Variants in CCDC178 observed in about 807,000 individuals in gnomAD.
The protein encoded by CCDC178 is coiled-coil domain containing 178, also known as coiled-coil domain-containing protein 178.
In CCDC178, 126 loss-of-function variants were observed where a neutral mutation model predicts 117.4. The ratio of observed to expected loss-of-function variants is 1.07; its 90% CI spans 0.93 to 1.24. CCDC178 has a LOEUF of 1.24. Among genes scored for constraint, CCDC178 ranks in the 50% most tolerant of loss-of-function variants. The pLI, the probability that CCDC178 is intolerant of heterozygous loss-of-function variation, is 0.00. For synonymous variants in CCDC178, 283 were observed against 313.4 expected (o/e 0.90, Z 1.02); for missense variants, 1,030 against 986.9 (o/e 1.04, Z -0.59).
chr18:33,101,648 G>A (rs576001455), intron 20 of CCDC178, among the ~76,000 whole-genome samples: 1 of 151,924 alleles, frequency 6.6e-6, no homozygotes, highest in South Asian at 2.1e-4. Context: ...ACTTTAAAAG[G>A]TCATCAGCAA....
intron 12 of CCDC178, among the ~76,000 whole-genome samples, chr18:33,288,126 C>T (rs928467462): frequency 6.6e-6 from 1 of 152,086 alleles, no homozygotes; most frequent in Admixed American, 6.5e-5. Flanking sequence ...AATGGCTACT[C>T]TCTACACTCC....
chr18:33,440,212 A>G (rs2064358974), intron 1 of CCDC178, 131 bp from the exon 2 acceptor site: 2 of 151,664 alleles, frequency 1.3e-5, no homozygotes, highest in Admixed American at 6.6e-5. Context: ...GACGCTAGAG[A>G]CGCAGTTACA....
chr18:33,031,696 T>C (rs1336000143), intron 21 of CCDC178, among the ~76,000 whole-genome samples: 1 of 152,206 alleles, frequency 6.6e-6, no homozygotes, highest in East Asian at 1.9e-4. Flanking sequence ...TGTGTTAATA[T>C]TGGCAAATAT....
chr18:32,938,644 A>T (rs2054172139), intron 22 of CCDC178, among the ~76,000 whole-genome samples: 1 of 152,190 alleles, frequency 6.6e-6, no homozygotes, highest in African/African-American at 2.4e-5. Context: ...AGGGTACTTA[A>T]TAATTAGTAA....
At chr18:33,042,895 G>A (rs560844788) in intron 21 of CCDC178, among the ~76,000 whole-genome samples, 2 of 151,928 alleles carry the variant, frequency 1.3e-5, no homozygotes, top group African/African-American at 4.8e-5. Flanking sequence ...AATATGATTC[G>A]CAGATTTAAG....
chr18:33,169,801 AG>A (rs1215193006), intron 20 of CCDC178, among the ~76,000 whole-genome samples: 12 of 152,310 alleles, frequency 7.9e-5, no homozygotes, highest in African/African-American at 2.6e-4. Flanking sequence ...AGAAAACAAA[AG>A]CCAGTATTAT....
intron 11 of CCDC178, among the ~76,000 whole-genome samples, chr18:33,296,363 T>A (rs2062105802): frequency 1.3e-5 from 2 of 151,940 alleles, no homozygotes; most frequent in South Asian, 4.1e-4. Flanking sequence ...ACTGAATCTA[T>A]ACGAGATAAA....
chr18:33,373,223 A>T (rs1219290768), intron 5 of CCDC178, among the ~76,000 whole-genome samples: 1 of 152,168 alleles, frequency 6.6e-6, no homozygotes, highest in Non-Finnish European at 1.5e-5. Context: ...ACTTATCACT[A>T]AATATCTAGA....
chr18:33,283,784 AG>A lies in CCDC178; in HGVS notation c.1176+9374del, dbSNP rs562079332. On this transcript the variant is annotated intron_variant, in intron 12 of 22. Transcript: ENST00000383096. The stretch of plus-strand genomic sequence containing the variant: ...GATGCTGGTGAGATTGTGGAGAAAA[AG>A]GAACGCTTATACACTGTTGGTGGGA... Among the ~76,000 whole-genome samples, 509 of 152,312 alleles carry A rather than the reference AG, an allele frequency of 3.3e-3. 1 individual carries two copies. The highest frequency in any genetic ancestry group is 3.8e-3 in the Non-Finnish European group (257 of 68,014).
At chr18:33,384,588 C>G (rs1239544760) in intron 5 of CCDC178, among the ~76,000 whole-genome samples, 3 of 152,092 alleles carry the variant, frequency 2.0e-5, no homozygotes, top group Non-Finnish European at 4.4e-5. Context: ...AAATTCCAAC[C>G]CAGAATTTCA....
chr18:32,953,080 G>A (rs550755159), intron 22 of CCDC178, among the ~76,000 whole-genome samples: 12 of 152,030 alleles, frequency 7.9e-5, no homozygotes, highest in Admixed American at 2.6e-4. Context: ...CCAATTTTAC[G>A]AACTTTTATG....
At chr18:33,340,599 C>G (rs2062804362) in intron 9 of CCDC178, among the ~76,000 whole-genome samples, 1 of 152,112 alleles carries the variant, frequency 6.6e-6, no homozygotes, top group Non-Finnish European at 1.5e-5. Flanking sequence ...GGCCCAGGGT[C>G]CCCATGCTGT....
intron 11 of CCDC178, among the ~76,000 whole-genome samples, chr18:33,315,564 A>G (rs2062403884): frequency 6.6e-6 from 1 of 152,182 alleles, no homozygotes; most frequent in Admixed American, 6.5e-5. Flanking sequence ...ATACACGGAT[A>G]TAAAAAGGTA....
intron 11 of CCDC178, among the ~76,000 whole-genome samples, chr18:33,308,997 A>G (rs958277809): frequency 6.6e-6 from 1 of 152,206 alleles, no homozygotes; most frequent in African/African-American, 2.4e-5. Flanking sequence ...AGCTTTGATA[A>G]ATAAAAATGG....
At chr18:33,251,668 C>T (rs1027179405) in intron 14 of CCDC178, among the ~76,000 whole-genome samples, 5 of 151,682 alleles carry the variant, frequency 3.3e-5, no homozygotes, top group Admixed American at 1.3e-4. Flanking sequence ...AGATCATTCT[C>T]TCTTTCTAAT....
intron 20 of CCDC178, among the ~76,000 whole-genome samples, chr18:33,095,653 C>G (rs1318754252): frequency 6.6e-6 from 1 of 151,420 alleles, no homozygotes; most frequent in African/African-American, 2.4e-5. Flanking sequence ...TATATTGTGC[C>G]CTTTGGAACC....
intron 20 of CCDC178, among the ~76,000 whole-genome samples, chr18:33,167,384 G>A (rs574778858): frequency 1.8e-4 from 28 of 152,250 alleles, no homozygotes; most frequent in Admixed American, 7.9e-4. Context: ...CCCACCAGCC[G>A]TGCATAAGTA....
chr18:33,260,694 T>C (rs1166317051), intron 14 of CCDC178, among the ~76,000 whole-genome samples: 1 of 152,098 alleles, frequency 6.6e-6, no homozygotes, highest in Non-Finnish European at 1.5e-5. Context: ...TATGTTTTCT[T>C]AGAATTTTGT....
At chr18:32,951,898 G>A (rs1030160273) in intron 22 of CCDC178, among the ~76,000 whole-genome samples, 4 of 152,154 alleles carry the variant, frequency 2.6e-5, no homozygotes, top group African/African-American at 9.7e-5. Context: ...AAACAAAAGG[G>A]CTACAGGCCC....
Sources: gnomAD v4.1 joint callset for allele counts (sites outside exome capture counted in the v4.1 genomes callset) on GRCh38, gnomAD v4.1.1 for gene constraint, MANE v1.5 for transcripts, NCBI Gene and HGNC (gene_info 2026-07-23, HGNC 2026-07-21) for gene names.